DCC: variants seen among roughly 807,000 people sequenced by gnomAD.
The protein encoded by DCC is netrin receptor DCC.
In DCC, 58 loss-of-function variants were observed where a neutral mutation model predicts 172.5. The ratio of observed to expected loss-of-function variants is 0.34; its 90% CI spans 0.27 to 0.42. DCC has a LOEUF of 0.42. Ranked by LOEUF, DCC falls within the 10% of genes least tolerant of loss-of-function variation. The pLI is 1.00. For synonymous variants in DCC, 709 were observed against 644.5 expected, an observed-to-expected ratio of 1.10 and a Z score of -1.52; for missense variants, 1,740 against 1,791.0, an observed-to-expected ratio of 0.97 and a Z score of 0.51.
At chr18:53,005,912 A>T (rs181473850) in intron 5 of DCC, among the ~76,000 whole-genome samples, 99 of 152,268 alleles carry the variant, frequency 6.5e-4, no homozygotes, top group Non-Finnish European at 1.3e-3. Flanking sequence ...TGTACCTACA[A>T]TGTTGGAACA....
rs719953 is a variant in DCC at position 52,611,760 on chromosome 18, T to G, written c.92-140294T>G. Among the ~76,000 whole-genome samples the G allele has an allele frequency of 4.6e-5, 7 of 152,058 alleles. No homozygotes were observed. In the East Asian group the frequency reaches 9.6e-4, roughly 21 times the overall value. ...TTTCTCATCTGTATAATAGGATCAC[T>G]GATTTCTACCTTGCAAATGGACAGA... On this transcript the variant is annotated intron_variant, in intron 1 of 28. Transcript: ENST00000442544.
At chr18:53,114,142 T>C (rs1314688852) in intron 7 of DCC, among the ~76,000 whole-genome samples, 2 of 151,532 alleles carry the variant, frequency 1.3e-5, no homozygotes. Context: ...AATGCACTCA[T>C]GTTTATGTAA....
chr18:53,135,374 G>A (rs1293647367), intron 7 of DCC, among the ~76,000 whole-genome samples: 2 of 152,132 alleles, frequency 1.3e-5, no homozygotes, highest in African/African-American at 2.4e-5. Flanking sequence ...ATTAATGTTT[G>A]TGGATTAAGG....
chr18:53,448,460 C>A (rs957197668), intron 22 of DCC, among the ~76,000 whole-genome samples: 1 of 152,136 alleles, frequency 6.6e-6, no homozygotes, highest in Admixed American at 6.5e-5. Context: ...CGGGTAAACA[C>A]CCCCATGATT....
At chr18:53,446,124 A>AAAAAAAAAAAACAAAAAC (rs369426007) in intron 22 of DCC, among the ~76,000 whole-genome samples, 1 of 117,174 alleles carries the variant, frequency 8.5e-6, no homozygotes, top group Non-Finnish European at 1.8e-5. Context: ...ACAAAAAAAA[A>AAAAAAAAAAAACAAAAAC]CACTTAAAAA....
intron 12 of DCC, among the ~76,000 whole-genome samples, chr18:53,265,232 T>A (rs1372828280): frequency 1.3e-5 from 2 of 152,188 alleles, no homozygotes; most frequent in Non-Finnish European, 2.9e-5. Context: ...AGCTGTAACC[T>A]GGTTCAGTAT....
intron 1 of DCC, among the ~76,000 whole-genome samples, chr18:52,478,482 T>C (rs1989160083): frequency 6.6e-6 from 1 of 152,184 alleles, no homozygotes; most frequent in Non-Finnish European, 1.5e-5. Context: ...GCACTTATTA[T>C]ATGCAAAGGC....
chr18:53,402,021 C>T (rs957811119), intron 18 of DCC, among the ~76,000 whole-genome samples: 1 of 152,094 alleles, frequency 6.6e-6, no homozygotes, highest in African/African-American at 2.4e-5. Flanking sequence ...TCATGTGTGC[C>T]TTCCTGTTGG....
At chr18:52,635,190 CTTTT>C (rs2034750707) in intron 1 of DCC, among the ~76,000 whole-genome samples, 1 of 152,126 alleles carries the variant, frequency 6.6e-6, no homozygotes, top group Admixed American at 6.5e-5. Context: ...AGCTATTCTT[CTTTT>C]CACAGGTTTT....
At chr18:52,920,941 G>A (rs982580092) in intron 3 of DCC, among the ~76,000 whole-genome samples, 4 of 152,140 alleles carry the variant, frequency 2.6e-5, no homozygotes, top group Non-Finnish European at 5.9e-5. Flanking sequence ...TGTACTTTAT[G>A]ATTCTAGTGA....
chr18:53,516,587 T>C lies in DCC; in HGVS notation c.4112-10030T>C, dbSNP rs925315595. ...GCTAATATCCAGAATCTACAATGAA[T>C]GCAAACAAATTTACAAGAAAATAAA... is the stretch of plus-strand genomic sequence containing the variant. On this transcript the variant is annotated intron_variant, in intron 27 of 28. Coordinates refer to ENST00000442544, the MANE Select transcript of DCC (RefSeq NM_005215.4). 5.6e-4 allele frequency among the ~76,000 whole-genome samples: 84 copies of C among 151,142 alleles called. 1 individual carries two copies. The highest frequency in any genetic ancestry group is 1.9e-4 in the East Asian group (1 of 5,186).
intron 1 of DCC, among the ~76,000 whole-genome samples, chr18:52,675,117 G>A (rs1280147620): frequency 1.3e-5 from 2 of 152,086 alleles, no homozygotes; most frequent in Non-Finnish European, 2.9e-5. Flanking sequence ...GGAGTGCAGT[G>A]GTGCAATCTC....
intron 7 of DCC, among the ~76,000 whole-genome samples, chr18:53,110,561 A>G (rs546413548): frequency 1.3e-5 from 2 of 151,924 alleles, no homozygotes; most frequent in South Asian, 4.1e-4. Flanking sequence ...AGAAAAAAAC[A>G]AACAACCCTA....
intron 2 of DCC, among the ~76,000 whole-genome samples, chr18:52,847,235 T>G (rs1394267697): frequency 6.6e-6 from 1 of 152,228 alleles, no homozygotes; most frequent in Non-Finnish European, 1.5e-5. Flanking sequence ...TTCACACTTA[T>G]ATTTGAATTT....
chr18:52,682,499 C>G (rs2035764481), intron 1 of DCC, among the ~76,000 whole-genome samples: 2 of 151,960 alleles, frequency 1.3e-5, no homozygotes, highest in Non-Finnish European at 2.9e-5. Context: ...CCAAGAGCCA[C>G]CAAATGCTTG....
At chr18:52,759,399 A>G (rs572246005) in intron 2 of DCC, among the ~76,000 whole-genome samples, 1 of 152,306 alleles carries the variant, frequency 6.6e-6, no homozygotes, top group East Asian at 1.9e-4. Context: ...CATCAACAAA[A>G]TAACCTAAAA....
chr18:52,617,950 G>A (rs138597679), intron 1 of DCC, among the ~76,000 whole-genome samples: 14 of 152,138 alleles, frequency 9.2e-5, no homozygotes, highest in Admixed American at 9.2e-4. Flanking sequence ...CTGGCTCAAA[G>A]GTATGACAGA....
At position 53,245,109 on chromosome 18, in the gene DCC, T is replaced by C. The variant is rs2056350327; in HGVS notation, c.1911+29512T>C. On this transcript the variant is annotated intron_variant, in intron 12 of 28. Transcript: ENST00000442544. ...TGCCAGAAATACCATCTTACTATAG[T>C]CCATGCTAGAAGAAATCTAAGAATT... Among the ~76,000 whole-genome samples, 6 of 152,214 alleles carry C rather than the reference T, an allele frequency of 3.9e-5. 1 individual carries two copies. In the South Asian group the frequency reaches 1.0e-3, roughly 26 times the overall value.
chr18:53,299,177 G>T (rs957377240), intron 12 of DCC, among the ~76,000 whole-genome samples: 2 of 152,166 alleles, frequency 1.3e-5, no homozygotes, highest in Non-Finnish European at 2.9e-5. Context: ...AGATGGGCTT[G>T]TGTGTATTTA....
Sources: allele counts gnomAD v4.1 joint callset (sites outside exome capture counted in the v4.1 genomes callset), GRCh38; gene constraint gnomAD v4.1.1; transcripts MANE v1.5; gene names NCBI Gene and HGNC (gene_info 2026-07-23, HGNC 2026-07-21).